Variants in PLGRKT observed in about 807,000 individuals in gnomAD.
PLGRKT encodes the protein plasminogen receptor with a C-terminal lysine, also known as plasminogen receptor (KT).
Under a neutral mutation model 18.5 loss-of-function variants are expected in PLGRKT, and 22 were observed. The ratio of observed to expected loss-of-function variants is 1.19; its 90% confidence interval spans 0.85 to 1.70. The LOEUF (loss-of-function observed/expected upper bound fraction) is 1.70, where lower values mean the gene tolerates loss of function less well. Ranked by LOEUF, PLGRKT falls within the 40% of genes most tolerant of loss-of-function variation. The pLI, the probability that PLGRKT is intolerant of heterozygous loss-of-function variation, is 0.00. For synonymous variants in PLGRKT, 72 were observed against 52.8 expected, an observed-to-expected ratio of 1.36 and a Z score of -1.58; for missense variants, 235 against 174.4, an observed-to-expected ratio of 1.35 and a Z score of -1.96.
Position 5,380,622 on chromosome 9 carries a change from C to T in PLGRKT, c.82-18734G>A, listed in dbSNP as rs1261636471. Among the ~76,000 whole-genome samples the T allele has an allele frequency of 2.6e-5, 4 of 152,158 alleles. No homozygotes were observed. In the East Asian group the frequency reaches 7.7e-4, roughly 29 times the overall value. On this transcript the variant is annotated intron_variant, in intron 3 of 5. Transcript: ENST00000223864. Reference sequence around the variant, plus strand: ...CTTCCCTGTTTTACTGAACTTTTACCTTCAGATATACTATATAATTCACTT... The same window carrying T: ...CTTCCCTGTTTTACTGAACTTTTACTTTCAGATATACTATATAATTCACTT...
intron 3 of PLGRKT, among the ~76,000 whole-genome samples, chr9:5,399,397 T>C (rs994107280): frequency 6.6e-6 from 1 of 151,916 alleles, no homozygotes; most frequent in African/African-American, 2.4e-5. Context: ...ATATCACTTC[T>C]GTCTGAAGAT....
chr9:5,362,035 T>C, intron 3 of PLGRKT, 147 bp from the exon 4 acceptor site: 1 of 729,982 alleles, frequency 1.4e-6, no homozygotes, highest in South Asian at 1.7e-5. Context: ...TGACTAAAGT[T>C]CCTTTGGACA....
intron 3 of PLGRKT, among the ~76,000 whole-genome samples, chr9:5,380,434 T>C (rs961605951): frequency 2.6e-5 from 4 of 151,818 alleles, no homozygotes; most frequent in African/African-American, 7.3e-5. Context: ...GTACTTATGA[T>C]GTGCCAGATA....
chr9:5,432,926 G>A (rs1335888242), intron 2 of PLGRKT, among the ~76,000 whole-genome samples: 1 of 152,048 alleles, frequency 6.6e-6, no homozygotes, highest in African/African-American at 2.4e-5. Flanking sequence ...ACTCCGTCTA[G>A]GAAGTGAGCA....
intron 3 of PLGRKT, among the ~76,000 whole-genome samples, chr9:5,383,763 G>A (rs1817789414): frequency 6.6e-6 from 1 of 152,100 alleles, no homozygotes; most frequent in Non-Finnish European, 1.5e-5. Flanking sequence ...GCAGGAGGTG[G>A]AGCTCAGGTG....
chr9:5,391,106 C>T (rs770894889), intron 3 of PLGRKT, among the ~76,000 whole-genome samples: 7 of 151,902 alleles, frequency 4.6e-5, no homozygotes, highest in Non-Finnish European at 8.8e-5. Flanking sequence ...ATGTTGGTCA[C>T]AAGACTTTAA....
chr9:5,360,938 A>G, intron 5 of PLGRKT, 140 bp downstream of exon 5: 1 of 569,792 alleles, frequency 1.8e-6, no homozygotes, highest in Non-Finnish European at 3.1e-6. Flanking sequence ...ACTGTGTGAA[A>G]GGGAGCAGAA....
At chr9:5,361,600 T>G (rs1327491051) in intron 4 of PLGRKT, among the ~76,000 whole-genome samples, 158 bp downstream of exon 4, 2 of 152,234 alleles carry the variant, frequency 1.3e-5, no homozygotes, top group Non-Finnish European at 2.9e-5. Flanking sequence ...CTGCCTTGCT[T>G]TCACAGAGTT....
chr9:5,367,018 GATACACACAC>G (rs1208792646), intron 3 of PLGRKT, among the ~76,000 whole-genome samples: 897 of 81,810 alleles, frequency 0.011, 17 homozygotes, highest in African/African-American at 0.043. Flanking sequence ...CAGACAGACA[GATACACACAC>G]ATACACACAC....
intron 3 of PLGRKT, among the ~76,000 whole-genome samples, chr9:5,427,750 T>G (rs1355770471): frequency 6.6e-6 from 1 of 152,146 alleles, no homozygotes; most frequent in Non-Finnish European, 1.5e-5. Context: ...CCCTGATAGT[T>G]TTGGTGGCAA....
At chr9:5,420,075 A>G (rs920700544) in intron 3 of PLGRKT, among the ~76,000 whole-genome samples, 2 of 152,244 alleles carry the variant, frequency 1.3e-5, no homozygotes, top group Non-Finnish European at 2.9e-5. Context: ...ATGTTACAAC[A>G]TGGATGAATC....
chr9:5,436,224 C>T (rs921627772), intron 2 of PLGRKT, among the ~76,000 whole-genome samples: 9 of 152,186 alleles, frequency 5.9e-5, no homozygotes, highest in South Asian at 4.1e-4. Context: ...AGGTTAGGAG[C>T]GAGATATTAT....
intron 3 of PLGRKT, among the ~76,000 whole-genome samples, chr9:5,377,147 C>T (rs1488998768): frequency 1.3e-5 from 2 of 151,914 alleles, no homozygotes; most frequent in African/African-American, 4.8e-5. Context: ...AATGACTTTC[C>T]TACATTGTGA....
chr9:5,407,864 T>C (rs1293401551), intron 3 of PLGRKT, among the ~76,000 whole-genome samples: 2 of 152,202 alleles, frequency 1.3e-5, no homozygotes, highest in Admixed American at 1.3e-4. Context: ...CCACTCTTAA[T>C]TGCATCTGTA....
intron 3 of PLGRKT, among the ~76,000 whole-genome samples, chr9:5,430,931 C>T (rs570307585): frequency 2.0e-5 from 3 of 152,340 alleles, no homozygotes; most frequent in East Asian, 1.9e-4. Context: ...TATCCAGCCA[C>T]GTCTAAATCC....
intron 3 of PLGRKT, among the ~76,000 whole-genome samples, chr9:5,429,111 A>G (rs181620178): frequency 4.8e-4 from 73 of 152,336 alleles, no homozygotes; most frequent in Admixed American, 4.7e-3. Flanking sequence ...TAGCCAATTC[A>G]AGATACTGTG....
At chr9:5,422,259 G>A (rs964901317) in intron 3 of PLGRKT, among the ~76,000 whole-genome samples, 7 of 152,030 alleles carry the variant, frequency 4.6e-5, no homozygotes, top group Non-Finnish European at 8.8e-5. Flanking sequence ...TATGACTAAA[G>A]GTAAGACAAC....
Position 5,383,484 on chromosome 9 carries a change from T to C in PLGRKT, c.82-21596A>G, listed in dbSNP as rs1817784207. 2.0e-5 allele frequency among the ~76,000 whole-genome samples: 3 copies of C among 152,194 alleles called. No individual in the cohort carries two copies. The South Asian group carries it at 6.2e-4, about 32-fold the overall frequency. ...ACGGATGGTTTCAGGATGATTCAAGTGCATTATATTTATGGTGTACTTTAT... is the reference window on the plus strand; with the variant it reads ...ACGGATGGTTTCAGGATGATTCAAGCGCATTATATTTATGGTGTACTTTAT... On this transcript the variant is annotated intron_variant, in intron 3 of 5. Transcript: ENST00000223864.
At chr9:5,368,366 C>T (rs1428794634) in intron 3 of PLGRKT, among the ~76,000 whole-genome samples, 4 of 152,102 alleles carry the variant, frequency 2.6e-5, no homozygotes, top group South Asian at 2.1e-4. Flanking sequence ...CGAAAGAAAA[C>T]GTGGTACATA....
Sources: allele counts gnomAD v4.1 joint callset (sites outside exome capture counted in the v4.1 genomes callset), GRCh38; gene constraint gnomAD v4.1.1; transcripts MANE v1.5; gene names NCBI Gene and HGNC (gene_info 2026-07-23, HGNC 2026-07-21).